The following CD99L2 variants were observed in gnomAD, a reference collection of about 807,000 sequenced individuals.
CD99L2 encodes the protein CD99 antigen-like protein 2.
Under a neutral mutation model 27.3 loss-of-function variants are expected in CD99L2, and 24 were observed. The observed-to-expected ratio is 0.88, with a 90% CI of 0.64 to 1.24. CD99L2 has a LOEUF of 1.24. Among genes scored for constraint, CD99L2 ranks in the 50% most tolerant of loss-of-function variants. The pLI is 0.00. For synonymous variants in CD99L2, 97 were observed against 87.9 expected, an observed-to-expected ratio of 1.10 and a Z score of -0.58; for missense variants, 255 against 221.6, an observed-to-expected ratio of 1.15 and a Z score of -0.96.
chrX:150,818,201 G>GATAGATATATATATAT (rs1557420593), intron 2 of CD99L2, among the ~76,000 whole-genome samples: 2 of 86,274 alleles, frequency 2.3e-5, no homozygotes, highest in African/African-American at 8.8e-5. Context: ...CAAGTAGGCA[G>GATAGATATATATATAT]ATATATATAT....
chrX:150,858,410 C>T lies in CD99L2; in HGVS notation c.68-27117G>A, dbSNP rs138124456. Among the ~76,000 whole-genome samples the T allele has an allele frequency of 2.3e-3, 264 of 112,904 alleles. 3 individuals carry two copies. The highest frequency in any genetic ancestry group is 7.6e-3 in the African/African-American group (236 of 31,135). On this transcript the variant is annotated intron_variant, in intron 1 of 10. Transcript: ENST00000370377. Reference sequence around the variant, plus strand: ...GACTTTATCTAACAACAGCAGAATGCACATTCTTCTCATCAGCATGTGGAA... The same window carrying T: ...GACTTTATCTAACAACAGCAGAATGTACATTCTTCTCATCAGCATGTGGAA...
chrX:150,859,991 T>C (rs1569566094), intron 1 of CD99L2, among the ~76,000 whole-genome samples: 1 of 111,037 alleles, frequency 9.0e-6, no homozygotes, highest in African/African-American at 3.3e-5. Flanking sequence ...AGGCCAGCAC[T>C]ACCCTGATAC....
chrX:150,836,002 T>C (rs11795763), intron 1 of CD99L2, among the ~76,000 whole-genome samples: 10,738 of 111,012 alleles, frequency 0.097, 496 homozygotes, highest in Middle Eastern at 0.18. Context: ...CTCTGGCTAA[T>C]CACACATAAC....
intron 9 of CD99L2, among the ~76,000 whole-genome samples, chrX:150,771,447 C>G (rs1190407529): frequency 8.9e-6 from 1 of 112,388 alleles, no homozygotes; most frequent in Non-Finnish European, 1.9e-5. Flanking sequence ...GAGACACACC[C>G]TGAGCCTCGT....
rs1367921690 is a variant in CD99L2, at chrX:150,867,383, C to T, written c.67+31139G>A. Among the ~76,000 whole-genome samples the T allele has an allele frequency of 2.7e-5, 3 of 111,699 alleles. No individual in the cohort carries two copies. In the Admixed American group the frequency reaches 2.9e-4, roughly 11 times the overall value. ...TGAGATCTCCCCTACTGCGCTCCAG[C>T]TTGGGCAACAGACTGAGACCTTGTC... On this transcript the variant is annotated intron_variant, in intron 1 of 10. Coordinates refer to ENST00000370377, the MANE Select transcript of CD99L2 (RefSeq NM_031462.4).
rs1036085794 is a variant in CD99L2, at chrX:150,810,879, T to C, written c.277+3983A>G. On this transcript the variant is annotated intron_variant, in intron 4 of 10. Transcript: ENST00000370377. ...TGAAATGGACAAACTCCTAGAAAGA[T>C]ACAAACTATTGAAGCTGACTCAAGA... Among the ~76,000 whole-genome samples, 4 of 111,221 alleles carry C rather than the reference T, an allele frequency of 3.6e-5. No individual in the cohort carries two copies. The East Asian group carries it at 1.1e-3, about 32-fold the overall frequency.
intron 4 of CD99L2, among the ~76,000 whole-genome samples, chrX:150,809,470 A>G (rs1428582457): frequency 2.7e-5 from 3 of 112,487 alleles, no homozygotes; most frequent in Non-Finnish European, 5.6e-5. Flanking sequence ...AATACAAAAT[A>G]AATATCAAAA....
chrX:150,844,988 G>C (rs577356680), intron 1 of CD99L2, among the ~76,000 whole-genome samples: 1 of 112,369 alleles, frequency 8.9e-6, no homozygotes, highest in Non-Finnish European at 1.9e-5. Flanking sequence ...GTATCTAAGC[G>C]TCCGTATGTA....
rs782255590 is a variant in CD99L2, at chrX:150,861,141, C to CAAAAAAAAAAAAAAAAAAA, written c.68-29849_68-29848insTTTTTTTTTTTTTTTTTTT. 2.3e-3 allele frequency among the ~76,000 whole-genome samples: 95 copies of CAAAAAAAAAAAAAAAAAAA among 40,870 alleles called. 2 individuals are homozygous for CAAAAAAAAAAAAAAAAAAA. The highest frequency in any genetic ancestry group is 0.018 in the Middle Eastern group (1 of 57). The allele number at this position is 40,870 out of a possible 115,157, so 35.5% of individuals were successfully genotyped here. A position where few individuals can be genotyped will look rare whatever the true frequency, so the allele number is the denominator to read the frequency against. On this transcript the variant is annotated intron_variant, in intron 1 of 10. Transcript: ENST00000370377. ...TGGGTGACAGAGTGAGACTCTGTCT[C>CAAAAAAAAAAAAAAAAAAA]AAAAAAAAAAAAAAAAAAGAGTATC...
intron 1 of CD99L2, among the ~76,000 whole-genome samples, chrX:150,880,964 C>CA (rs1177292163): frequency 9.0e-6 from 1 of 111,406 alleles, no homozygotes. Context: ...GTCAGTACTT[C>CA]AATGTACTTC....
rs2124407407 is a variant in CD99L2 at position 150,898,626 on chromosome X, T to G, written c.-38A>C. 9.4e-7 allele frequency: 1 copy of G among 1,064,304 alleles called. No individual in the cohort carries two copies. Among genetic ancestry groups the G allele is most frequent in the Admixed American group, 4.0e-5 (1 of 24,968 alleles). The allele number at this position is 1,064,304 out of a possible 1,213,427, so 87.7% of individuals were successfully genotyped here. A position where few individuals can be genotyped will look rare whatever the true frequency, so the allele number is the denominator to read the frequency against. Reference sequence around the variant, plus strand: ...GCGGAGGGCCCCGGAGGAGCACAGTTAGCGCGAGAGCGCCCGAAGGGGAGG... The same window carrying G: ...GCGGAGGGCCCCGGAGGAGCACAGTGAGCGCGAGAGCGCCCGAAGGGGAGG... On this transcript the variant is annotated 5_prime_UTR_variant, in exon 1 of 11. Coordinates refer to ENST00000370377, the MANE Select transcript of CD99L2 (RefSeq NM_031462.4).
intron 4 of CD99L2, among the ~76,000 whole-genome samples, chrX:150,808,959 GAAGCAAAGGT>G (rs1435873621): frequency 9.0e-6 from 1 of 111,113 alleles, no homozygotes; most frequent in African/African-American, 3.3e-5. Flanking sequence ...TATGATGATG[GAAGCAAAGGT>G]AAGAGTCAGA....
chrX:150,873,001 C>G (rs1351627008), intron 1 of CD99L2, among the ~76,000 whole-genome samples: 3 of 111,554 alleles, frequency 2.7e-5, no homozygotes, highest in African/African-American at 9.8e-5. Context: ...TCCTCCCAGC[C>G]AGCTCTCCAT....
At chrX:150,770,660 G>A (rs1369653851) in intron 9 of CD99L2, among the ~76,000 whole-genome samples, 5 of 113,051 alleles carry the variant, frequency 4.4e-5, no homozygotes, top group Non-Finnish European at 9.4e-5. Context: ...GCGTCAAGAC[G>A]GCAGCTCCGC....
chrX:150,771,248 T>C (rs2123997867), intron 9 of CD99L2, among the ~76,000 whole-genome samples: 1 of 112,683 alleles, frequency 8.9e-6, no homozygotes, highest in South Asian at 3.6e-4. Context: ...GCTCCTTGCC[T>C]AAACAAGAAT....
intron 7 of CD99L2, among the ~76,000 whole-genome samples, chrX:150,785,005 T>C (rs2045573017): frequency 9.0e-6 from 1 of 111,069 alleles, no homozygotes; most frequent in South Asian, 3.8e-4. Flanking sequence ...ATCTCCAGCA[T>C]GGGTAACTTA....
At chrX:150,895,980 C>G (rs2047599674) in intron 1 of CD99L2, among the ~76,000 whole-genome samples, 1 of 100,078 alleles carries the variant, frequency 1.0e-5, no homozygotes, top group Admixed American at 1.1e-4. Context: ...GAGCCGAGAT[C>G]GCGCCACTGC....
chrX:150,855,525 AACTC>A (rs782176120), intron 1 of CD99L2, among the ~76,000 whole-genome samples: 1 of 111,002 alleles, frequency 9.0e-6, no homozygotes, highest in Admixed American at 9.5e-5. Context: ...ATCTCGTGAT[AACTC>A]ACTCACTATC....
chrX:150,870,453 T>C (rs1444489534), intron 1 of CD99L2, among the ~76,000 whole-genome samples: 1 of 112,231 alleles, frequency 8.9e-6, no homozygotes, highest in Non-Finnish European at 1.9e-5. Context: ...CCGGGCATTG[T>C]GGCATGTGCC....
Sources: allele counts gnomAD v4.1 joint callset (sites outside exome capture counted in the v4.1 genomes callset), GRCh38; gene constraint gnomAD v4.1.1; transcripts MANE v1.5; gene names NCBI Gene and HGNC (gene_info 2026-07-23, HGNC 2026-07-21).